Variants in ZNF583 observed in about 807,000 individuals in gnomAD.
The protein encoded by ZNF583 is zinc finger protein 583.
Under a neutral mutation model 55.3 loss-of-function variants are expected in ZNF583, and 30 were observed. The observed-to-expected ratio is 0.54, with a 90% CI of 0.41 to 0.74. The LOEUF is 0.74. Among genes scored for constraint, ZNF583 ranks in the 30% least tolerant of loss-of-function variants. ZNF583 has a pLI of 0.00. For synonymous variants in ZNF583, 208 were observed against 220.0 expected (o/e 0.95, Z 0.48); for missense variants, 504 against 664.7 (o/e 0.76, Z 2.66).
In ZNF583 at chr19:56,414,003, G is replaced by A. The variant is rs767942968; in HGVS notation, c.54G>A (p.Glu18=). ...ATGTGGCTGTAAATTTCTCTCAAGA[G>A]GAATGGGAATGGCTGAACCCTGCTC... is the stretch of plus-strand genomic sequence containing the variant. ...FGDVAVNFSQ[E]EWEWLNPAQR... Residue 18 remains glutamate (E), a synonymous_variant, in exon 3 of 5, where the codon GAG becomes GAA. Transcript: ENST00000333201. 1 of 1,614,000 alleles carries A rather than the reference G, an allele frequency of 6.2e-7. No homozygotes were observed. The highest frequency in any genetic ancestry group is 1.7e-5 in the Admixed American group (1 of 59,998).
chr19:56,417,946 C>T (rs1167431847), intron 4 of ZNF583, among the ~76,000 whole-genome samples: 3 of 152,128 alleles, frequency 2.0e-5, no homozygotes, highest in Non-Finnish European at 4.4e-5. Flanking sequence ...TTTTCCTGAT[C>T]ATTACTTGAC....
intron 4 of ZNF583, among the ~76,000 whole-genome samples, chr19:56,418,551 A>G (rs1218986076): frequency 6.6e-6 from 1 of 152,146 alleles, no homozygotes; most frequent in East Asian, 1.9e-4. Flanking sequence ...TTAACAATTC[A>G]GTTTTCTAAT....
Position 56,423,336 on chromosome 19 carries a change from C to G in ZNF583, c.678C>G (p.Ser226=). ...DCEKVFNQSS[S]LTLHQRIHTG... is the part of the protein sequence containing the mutation. Reference sequence around the variant, plus strand: ...AGAAAGTCTTCAACCAGAGCTCATCCCTTACTCTTCATCAGAGAATTCATA... The same window carrying G: ...AGAAAGTCTTCAACCAGAGCTCATCGCTTACTCTTCATCAGAGAATTCATA... The change falls in exon 5 of 5, where the codon TCC becomes TCG. Residue 226 remains serine, a synonymous_variant. Transcript: ENST00000333201. 6.2e-7 allele frequency: 1 copy of G among 1,613,860 alleles called. No homozygotes were observed. Among genetic ancestry groups the G allele is most frequent in the Non-Finnish European group, 8.5e-7 (1 of 1,179,946 alleles).
chr19:56,418,284 A>G (rs2042359188), intron 4 of ZNF583, among the ~76,000 whole-genome samples: 1 of 152,180 alleles, frequency 6.6e-6, no homozygotes, highest in South Asian at 2.1e-4. Context: ...GTCTTTAAAA[A>G]TGTCTTGAAG....
chr19:56,413,636 T>C (rs1301570708), intron 2 of ZNF583, among the ~76,000 whole-genome samples: 1 of 152,210 alleles, frequency 6.6e-6, no homozygotes, highest in African/African-American at 2.4e-5. Context: ...AGAAATGCTC[T>C]GGCATTTAGT....
At chr19:56,419,218 A>G (rs554471988) in intron 4 of ZNF583, among the ~76,000 whole-genome samples, 3 of 124,684 alleles carry the variant, frequency 2.4e-5, no homozygotes, top group African/African-American at 9.2e-5. Flanking sequence ...TTTTTTTGAG[A>G]TGGAGTCTTG....
intron 4 of ZNF583, among the ~76,000 whole-genome samples, chr19:56,420,271 G>A (rs2042393315): frequency 6.6e-6 from 1 of 152,142 alleles, no homozygotes; most frequent in Non-Finnish European, 1.5e-5. Flanking sequence ...TCTAACCTCT[G>A]TTGAGGTTAG....
chr19:56,415,105 CATTT>C (rs568555109), intron 4 of ZNF583, among the ~76,000 whole-genome samples: 5 of 151,516 alleles, frequency 3.3e-5, no homozygotes, highest in African/African-American at 1.2e-4. Context: ...AGGATTGATG[CATTT>C]ATTTATTTAT....
intron 3 of ZNF583, 124 bp downstream of exon 3, chr19:56,414,209 T>G: frequency 6.6e-7 from 1 of 1,511,474 alleles, no homozygotes; most frequent in East Asian, 2.3e-5. Context: ...TAGGTTGAAT[T>G]TGTAGAATTG....
At chr19:56,410,551 A>C (rs2147562586) in intron 2 of ZNF583, among the ~76,000 whole-genome samples, 1 of 152,162 alleles carries the variant, frequency 6.6e-6, no homozygotes, top group Admixed American at 6.5e-5. Context: ...AATACAAAAA[A>C]ATTAGCTGAG....
rs528165513 is a variant in ZNF583 at position 56,425,376 on chromosome 19, A to G, written c.*1008A>G. The G allele has an allele frequency of 2.6e-5, 4 of 152,154 alleles. No homozygotes were observed. The highest frequency in any genetic ancestry group is 1.9e-4 in the East Asian group (1 of 5,168). 9.4% of individuals were successfully genotyped at this position (152,154 alleles called of 1,614,324 possible). On this transcript the variant is annotated 3_prime_UTR_variant, in exon 5 of 5. Transcript: ENST00000333201. Reference sequence around the variant, plus strand: ...AGGCCTGCACCACCACGCCCAGCTAATTTTTGTATTTTTAGTAGAGAGAGG... The same window carrying G: ...AGGCCTGCACCACCACGCCCAGCTAGTTTTTGTATTTTTAGTAGAGAGAGG...
rs746536953 is a variant in ZNF583 at position 56,423,092 on chromosome 19, C to T, written c.434C>T (p.Thr145Ile). 3.7e-6 allele frequency: 6 copies of T among 1,612,558 alleles called. No homozygotes were observed. The highest frequency in any genetic ancestry group is 2.7e-5 in the African/African-American group (2 of 74,798). ...QEVHLSQLII[T>I]HKEILPEVQN... is the part of the protein sequence containing the mutation. ...GTACATCTTAGTCAATTAATCATCA[C>T]TCATAAAGAAATCCTTCCAGAAGTT... The change falls in exon 5 of 5, where the codon ACT (threonine) becomes ATT (isoleucine). Residue 145 changes from threonine to isoleucine, a missense_variant. Physicochemically the swap from Thr to Ile is moderately conservative, Grantham distance 89 (BLOSUM62 -1). Coordinates refer to ENST00000333201, the MANE Select transcript of ZNF583 (RefSeq NM_152478.3).
chr19:56,415,814 C>A (rs755250452), intron 4 of ZNF583, among the ~76,000 whole-genome samples: 5 of 152,084 alleles, frequency 3.3e-5, no homozygotes, highest in Non-Finnish European at 5.9e-5. Flanking sequence ...GATCTGCCCA[C>A]CTGGGCCTCC....
chr19:56,423,050 A>G lies in ZNF583; in HGVS notation c.392A>G (p.Gln131Arg), dbSNP rs1224180334. The G allele has an allele frequency of 6.2e-7, 1 of 1,613,994 alleles. No homozygotes were observed. The highest frequency in any genetic ancestry group is 1.7e-5 in the Admixed American group (1 of 59,998). ...CAAAGTGAGGACTGGTATAAGAACC[A>G]GCTGGGAAGTCAAGAGGTACATCTT... The part of the protein sequence containing the change: ...DCQSEDWYKN[Q>R]LGSQEVHLSQ... The change falls in exon 5 of 5, where the codon CAG becomes CGG. Residue 131 changes from glutamine (Q) to arginine (R), a missense_variant. Gln to Arg is a conservative substitution (Grantham distance 43). This residue lies in a region of ZNF583 where 204 missense variants were observed against 235.2 expected (regional missense o/e 0.87). Coordinates refer to ENST00000333201, the MANE Select transcript of ZNF583 (RefSeq NM_152478.3).
rs928038009 is a variant in ZNF583 at position 56,425,811 on chromosome 19, C to T, written c.*1443C>T. On this transcript the variant is annotated 3_prime_UTR_variant, in exon 5 of 5. Coordinates refer to ENST00000333201, the MANE Select transcript of ZNF583 (RefSeq NM_152478.3). ...CCACAAACATGTTTGATTCTGTATG[C>T]ATTAAGTTTAAAATACATATGAATA... is the stretch of plus-strand genomic sequence containing the variant. The T allele has an allele frequency of 6.6e-6, 1 of 152,116 alleles. No individual in the cohort carries two copies. Among genetic ancestry groups the T allele is most frequent in the Non-Finnish European group, 1.5e-5 (1 of 68,032 alleles). The allele number at this position is 152,116 out of a possible 1,614,324, so 9.4% of individuals were successfully genotyped here.
intron 2 of ZNF583, among the ~76,000 whole-genome samples, chr19:56,413,168 G>A (rs140792825): frequency 8.5e-5 from 13 of 152,304 alleles, no homozygotes; most frequent in Non-Finnish European, 7.3e-5. Flanking sequence ...CAAGACCTAG[G>A]TTGTCATTGT....
intron 4 of ZNF583, among the ~76,000 whole-genome samples, chr19:56,418,308 T>C (rs2042359544): frequency 6.6e-6 from 1 of 152,134 alleles, no homozygotes; most frequent in South Asian, 2.1e-4. Flanking sequence ...GGTGTAATGG[T>C]GTGCGCTGGT....
At position 56,423,094 on chromosome 19, in the gene ZNF583, C is replaced by T. The variant is rs868124481; in HGVS notation, c.436C>T (p.His146Tyr). The T allele has an allele frequency of 6.2e-6, 10 of 1,612,508 alleles. No homozygotes were observed. The highest frequency in any genetic ancestry group is 2.7e-5 in the African/African-American group (2 of 74,798). The change falls in exon 5 of 5, where the codon CAT (histidine) becomes TAT (tyrosine). Residue 146 changes from histidine (H) to tyrosine (Y), a missense_variant. Physicochemically the swap from His to Tyr is moderately conservative, Grantham distance 83 (BLOSUM62 2). Around this residue, in one of 3 missense-constraint regions of ZNF583, gnomAD observed 204 missense variants for 235.2 expected, o/e 0.87. Coordinates refer to ENST00000333201, the MANE Select transcript of ZNF583 (RefSeq NM_152478.3). ...ACATCTTAGTCAATTAATCATCACT[C>T]ATAAAGAAATCCTTCCAGAAGTTCA... Reference protein sequence around the residue: ...EVHLSQLIITHKEILPEVQNK... With the variant: ...EVHLSQLIITYKEILPEVQNK...
rs2042448733 is a variant in ZNF583 at position 56,423,303 on chromosome 19, T to C, written c.645T>C (p.Asn215=). The change falls in exon 5 of 5, where the codon AAT becomes AAC. Residue 215 remains asparagine (N), a synonymous_variant. Coordinates refer to ENST00000333201, the MANE Select transcript of ZNF583 (RefSeq NM_152478.3). ...VYVEKKLLKC[N]DCEKVFNQSS... ...TAGAAAAGAAACTTTTGAAATGTAATGATTGTGAGAAAGTCTTCAACCAGA... is the reference window on the plus strand; with the variant it reads ...TAGAAAAGAAACTTTTGAAATGTAACGATTGTGAGAAAGTCTTCAACCAGA... 1 of 1,610,028 alleles carries C rather than the reference T, an allele frequency of 6.2e-7. No homozygotes were observed. The highest frequency in any genetic ancestry group is 1.1e-5 in the South Asian group (1 of 90,182).
Sources: allele counts gnomAD v4.1 joint callset (sites outside exome capture counted in the v4.1 genomes callset), GRCh38; gene constraint gnomAD v4.1.1; regional missense constraint gnomAD v4.1.1; transcripts MANE v1.5; gene names NCBI Gene and HGNC (gene_info 2026-07-23, HGNC 2026-07-21).